RIMS2: variants seen among roughly 807,000 people sequenced by gnomAD.
RIMS2 encodes regulating synaptic membrane exocytosis 2, also known as regulating synaptic membrane exocytosis protein 2.
Under a neutral mutation model 174.4 loss-of-function variants are expected in RIMS2, and 59 were observed. That is an observed-to-expected ratio of 0.34 (90% confidence interval 0.27 to 0.42). RIMS2 has a LOEUF of 0.42. Among genes scored for constraint, RIMS2 ranks in the 10% least tolerant of loss-of-function variants. The pLI is 1.00. For missense variants in RIMS2, 1,620 were observed against 1,666.3 expected, an observed-to-expected ratio of 0.97 and a Z score of 0.48; for synonymous variants, 606 against 572.5, an observed-to-expected ratio of 1.06 and a Z score of -0.84.
intron 1 of RIMS2, among the ~76,000 whole-genome samples, chr8:103,555,509 A>G (rs1053613477): frequency 9.2e-5 from 14 of 152,168 alleles, no homozygotes; most frequent in African/African-American, 2.9e-4. Context: ...CAGTCGTTTA[A>G]CCAAGTATAT....
At chr8:104,098,985 T>G (rs2097813824) in intron 19 of RIMS2, among the ~76,000 whole-genome samples, 1 of 152,240 alleles carries the variant, frequency 6.6e-6, no homozygotes, top group Non-Finnish European at 1.5e-5. Context: ...TTTGTCTATC[T>G]AGGCTTTTTA....
At chr8:104,053,279 C>G (rs2096817872) in intron 19 of RIMS2, among the ~76,000 whole-genome samples, 1 of 152,138 alleles carries the variant, frequency 6.6e-6, no homozygotes, top group Non-Finnish European at 1.5e-5. Flanking sequence ...TTTGGATATT[C>G]TTACTTTATA....
chr8:103,922,763 G>C (rs188822712), intron 10 of RIMS2: 1 of 244,394 alleles, frequency 4.1e-6, no homozygotes, highest in East Asian at 1.1e-4. Flanking sequence ...GGGAGGAAAG[G>C]GTAGTATTTG....
At chr8:103,649,100 G>T (rs1041137626) in intron 1 of RIMS2, among the ~76,000 whole-genome samples, 8 of 152,094 alleles carry the variant, frequency 5.3e-5, no homozygotes, top group Admixed American at 5.2e-4. Context: ...TCCATATTTA[G>T]TGCTTTGTTC....
At chr8:103,616,985 C>T (rs1412931747) in intron 1 of RIMS2, among the ~76,000 whole-genome samples, 2 of 152,114 alleles carry the variant, frequency 1.3e-5, no homozygotes, top group Non-Finnish European at 2.9e-5. Context: ...TCTTACCAAG[C>T]CACCAATGAT....
intron 1 of RIMS2, among the ~76,000 whole-genome samples, chr8:103,601,687 C>G (rs1183748928): frequency 6.6e-6 from 1 of 151,772 alleles, no homozygotes; most frequent in African/African-American, 2.4e-5. Flanking sequence ...AGGACTTACT[C>G]CTGAAATTTT....
chr8:103,688,283 T>TAA (rs927473951), intron 1 of RIMS2, among the ~76,000 whole-genome samples: 27 of 152,070 alleles, frequency 1.8e-4, no homozygotes, highest in African/African-American at 6.5e-4. Context: ...ATACCTAATT[T>TAA]AAGAGTTTAT....
intron 1 of RIMS2, among the ~76,000 whole-genome samples, chr8:103,568,408 A>C (rs549787840): frequency 8.3e-4 from 127 of 152,370 alleles, no homozygotes; most frequent in Middle Eastern, 3.4e-3. Flanking sequence ...GGAGATTATT[A>C]AAAGTAGCTA....
chr8:103,964,891 AC>A (rs2091380665), intron 15 of RIMS2, among the ~76,000 whole-genome samples: 1 of 152,142 alleles, frequency 6.6e-6, no homozygotes, highest in East Asian at 1.9e-4. Flanking sequence ...TTGTTCCAGC[AC>A]CATTTGTTGA....
chr8:103,603,259 G>A (rs1257976657), intron 1 of RIMS2, among the ~76,000 whole-genome samples: 1 of 150,514 alleles, frequency 6.6e-6, no homozygotes, highest in African/African-American at 2.4e-5. Context: ...TTGGTTTTTT[G>A]TTCTTGCGAT....
chr8:103,507,699 T>C (rs1306504099), intron 1 of RIMS2, among the ~76,000 whole-genome samples: 2 of 152,132 alleles, frequency 1.3e-5, no homozygotes, highest in Non-Finnish European at 1.5e-5. Context: ...AGAGCATATC[T>C]TTTTTGACTA....
At chr8:103,674,792 A>G (rs1380522732) in intron 1 of RIMS2, among the ~76,000 whole-genome samples, 1 of 152,078 alleles carries the variant, frequency 6.6e-6, no homozygotes, top group Non-Finnish European at 1.5e-5. Flanking sequence ...TGATTTTATG[A>G]TTTTTAGAAT....
At chr8:103,996,830 T>C (rs1307119114) in intron 17 of RIMS2, among the ~76,000 whole-genome samples, 7 of 151,872 alleles carry the variant, frequency 4.6e-5, no homozygotes, top group African/African-American at 1.7e-4. Flanking sequence ...AATGAGATAA[T>C]GTAGGCAAAG....
intron 3 of RIMS2, among the ~76,000 whole-genome samples, chr8:103,854,393 T>C (rs909481247): frequency 6.6e-6 from 1 of 152,094 alleles, no homozygotes. Flanking sequence ...TTCAGTAATA[T>C]GTTGAATAAG....
intron 2 of RIMS2, among the ~76,000 whole-genome samples, chr8:103,747,648 T>C (rs932959599): frequency 3.1e-4 from 47 of 152,042 alleles, no homozygotes; most frequent in South Asian, 4.2e-4. Flanking sequence ...ATCTTAAAAG[T>C]GGGATAAAAG....
chr8:103,632,712 C>G (rs918463335), intron 1 of RIMS2, among the ~76,000 whole-genome samples: 1 of 146,920 alleles, frequency 6.8e-6, no homozygotes, highest in Non-Finnish European at 1.5e-5. Context: ...TGAGCCACTG[C>G]GCCCGGCCAT....
intron 4 of RIMS2, among the ~76,000 whole-genome samples, chr8:103,889,531 C>T (rs1156843011): frequency 1.3e-5 from 2 of 151,576 alleles, no homozygotes; most frequent in African/African-American, 4.8e-5. Context: ...AATTTTTTTT[C>T]GAGGTCCTAG....
At chr8:103,603,355 C>A (rs1588729710) in intron 1 of RIMS2, among the ~76,000 whole-genome samples, 1 of 151,508 alleles carries the variant, frequency 6.6e-6, no homozygotes, top group East Asian at 1.9e-4. Flanking sequence ...GCATAGTATT[C>A]CATGGTGTAT....
intron 3 of RIMS2, chr8:103,819,562 G>T: frequency 6.2e-7 from 1 of 1,613,524 alleles, no homozygotes; most frequent in Non-Finnish European, 8.5e-7. Context: ...TCATTTTCAT[G>T]GGGTTTTTTC....
Sources: gnomAD v4.1 joint callset for allele counts (sites outside exome capture counted in the v4.1 genomes callset) on GRCh38, gnomAD v4.1.1 for gene constraint, MANE v1.5 for transcripts, NCBI Gene and HGNC (gene_info 2026-07-23, HGNC 2026-07-21) for gene names.